ZNF536: variants seen among roughly 807,000 people sequenced by gnomAD.
ZNF536 encodes the protein zinc finger protein 536.
Under a neutral mutation model 84.5 loss-of-function variants are expected in ZNF536, and 13 were observed. That is an observed-to-expected ratio of 0.15 (90% CI 0.10 to 0.24). The LOEUF (loss-of-function observed/expected upper bound fraction) is 0.24, where lower values mean the gene tolerates loss of function less well. ZNF536 is among the 10% of genes least tolerant of loss of function. The pLI is 1.00. For synonymous variants in ZNF536, 811 were observed against 742.5 expected, an observed-to-expected ratio of 1.09 and a Z score of -1.50; for missense variants, 1,536 against 1,747.5, an observed-to-expected ratio of 0.88 and a Z score of 2.16.
At position 30,655,507 on chromosome 19, in the gene ZNF536, C is replaced by T. The variant is rs1239591969; in HGVS notation, c.170-55250C>T. On this transcript the variant is annotated intron_variant, in intron 1 of 1. Coordinates refer to the ZNF536 transcript ENST00000592773. Reference sequence around the variant, plus strand: ...GAAGAAACTGAGGGTGAACTCAGCCCTCACTTCAAAGGAGTTTGCCGTCAA... The same window carrying T: ...GAAGAAACTGAGGGTGAACTCAGCCTTCACTTCAAAGGAGTTTGCCGTCAA... 2.6e-5 allele frequency among the ~76,000 whole-genome samples: 4 copies of T among 152,078 alleles called. No homozygotes were observed. In the East Asian group the frequency reaches 7.7e-4, roughly 29 times the overall value.
rs557638186 is a variant in ZNF536 at position 30,488,849 on chromosome 19, G to A, written c.2170+43117G>A. ...AGCAAGATGTCTGCTTTTGGTTGAA[G>A]ATTGGCCTATGGCTTTTATAGTATT... On this transcript the variant is annotated intron_variant, in intron 2 of 4. Coordinates refer to ENST00000355537, the MANE Select transcript of ZNF536 (RefSeq NM_014717.3). Among the ~76,000 whole-genome samples the A allele has an allele frequency of 4.6e-5, 7 of 152,336 alleles. 1 individual carries two copies. Among genetic ancestry groups the A allele is most frequent in the African/African-American group, 1.7e-4 (7 of 41,568 alleles).
At position 30,372,560 on chromosome 19, in the gene ZNF536, A is replaced by G. The variant is rs1166482199; in HGVS notation, c.-3+4A>G. 6.6e-6 allele frequency: 1 copy of G among 152,114 alleles called. No homozygotes were observed. The highest frequency in any genetic ancestry group is 6.6e-5 in the Admixed American group (1 of 15,266). 9.4% of individuals were successfully genotyped at this position (152,114 alleles called of 1,614,324 possible). ...TTCCATTTTCCCTGTTCTCAAGGTAATTCAGCTTTCTTTGTGTGTGAGTGT... is the reference window on the plus strand; with the variant it reads ...TTCCATTTTCCCTGTTCTCAAGGTAGTTCAGCTTTCTTTGTGTGTGAGTGT... On this transcript the variant is annotated splice_donor_region_variant and intron_variant, in intron 1 of 4. Transcript: ENST00000355537.
chr19:30,383,299 G>GAAAC (rs1469862130), intron 1 of ZNF536, among the ~76,000 whole-genome samples: 2 of 120,570 alleles, frequency 1.7e-5, no homozygotes, highest in Non-Finnish European at 4.0e-5. Flanking sequence ...CAAAAACAAA[G>GAAAC]AAACAAACAA....
At chr19:30,502,718 A>G (rs1428979123) in intron 2 of ZNF536, among the ~76,000 whole-genome samples, 1 of 152,196 alleles carries the variant, frequency 6.6e-6, no homozygotes, top group East Asian at 1.9e-4. Flanking sequence ...AAAAGAGCAT[A>G]AGCTGTCCGC....
chr19:30,475,792 C>A (rs2053822040), intron 2 of ZNF536, among the ~76,000 whole-genome samples: 1 of 152,202 alleles, frequency 6.6e-6, no homozygotes, highest in Admixed American at 6.5e-5. Flanking sequence ...GGACCAGCCG[C>A]TCCTGGAATG....
At chr19:30,343,383 G>A (rs1454429841) in intron 2 of ZNF536, among the ~76,000 whole-genome samples, 1 of 152,130 alleles carries the variant, frequency 6.6e-6, no homozygotes, top group Non-Finnish European at 1.5e-5. Context: ...CCTGGGGTGG[G>A]GGAGCATCTC....
chr19:30,693,288 G>A (rs916470661), intron 1 of ZNF536, among the ~76,000 whole-genome samples: 1 of 152,164 alleles, frequency 6.6e-6, no homozygotes, highest in Admixed American at 6.5e-5. Flanking sequence ...CCAAGATGGC[G>A]TGTAGACTGC....
chr19:30,483,470 GACCCCACCCCACCCC>G (rs918939069), intron 2 of ZNF536, among the ~76,000 whole-genome samples: 3 of 150,950 alleles, frequency 2.0e-5, no homozygotes, highest in Non-Finnish European at 3.0e-5. Flanking sequence ...GGGGTGAACA[GACCCCACCCCACCCC>G]ACCCCACCCC....
chr19:30,292,565 C>G (rs2045877635), intron 2 of ZNF536, among the ~76,000 whole-genome samples: 1 of 152,170 alleles, frequency 6.6e-6, no homozygotes, highest in Admixed American at 6.5e-5. Context: ...AAGCGATCCT[C>G]TCACCTTGGC....
At chr19:30,265,579 C>T (rs915370564) in intron 1 of ZNF536, among the ~76,000 whole-genome samples, 2 of 152,194 alleles carry the variant, frequency 1.3e-5, no homozygotes, top group Admixed American at 6.5e-5. Context: ...ACTGGGGAGA[C>T]GCACTCAGAA....
chr19:30,409,859 T>A (rs1247830440), intron 1 of ZNF536, among the ~76,000 whole-genome samples: 2 of 152,218 alleles, frequency 1.3e-5, no homozygotes. Context: ...TATGTAGATA[T>A]CTCTCTATAT....
At chr19:30,505,466 C>T (rs2055136607) in intron 2 of ZNF536, among the ~76,000 whole-genome samples, 1 of 147,940 alleles carries the variant, frequency 6.8e-6, no homozygotes, top group African/African-American at 2.5e-5. Context: ...GATGTATCAT[C>T]AATAATCTAT....
chr19:30,374,473 G>C (rs2048729457), intron 1 of ZNF536, among the ~76,000 whole-genome samples: 1 of 151,410 alleles, frequency 6.6e-6, no homozygotes, highest in Admixed American at 6.6e-5. Context: ...TAAGAGAACA[G>C]AGATCCATAA....
chr19:30,645,193 T>C (rs2049418853), intron 1 of ZNF536, among the ~76,000 whole-genome samples: 1 of 152,258 alleles, frequency 6.6e-6, no homozygotes, highest in South Asian at 2.1e-4. Flanking sequence ...TTCATATCCT[T>C]TGCCCACTTT....
intron 1 of ZNF536, among the ~76,000 whole-genome samples, chr19:30,264,859 C>A (rs1457938529): frequency 6.6e-6 from 1 of 151,742 alleles, no homozygotes; most frequent in Non-Finnish European, 1.5e-5. Context: ...CTCCAAGCTC[C>A]ACACCAGGCT....
At chr19:30,301,868 C>G (rs781107642) in intron 2 of ZNF536, among the ~76,000 whole-genome samples, 4 of 151,246 alleles carry the variant, frequency 2.6e-5, no homozygotes, top group African/African-American at 4.9e-5. Flanking sequence ...GGGGAATTAC[C>G]AGGCTGGGTG....
At chr19:30,385,287 G>T (rs925171075) in intron 1 of ZNF536, among the ~76,000 whole-genome samples, 1 of 152,162 alleles carries the variant, frequency 6.6e-6, no homozygotes, top group African/African-American at 2.4e-5. Flanking sequence ...ACTGAGGGAG[G>T]TGATGACCCG....
At chr19:30,621,963 A>G (rs2048499577) in intron 1 of ZNF536, among the ~76,000 whole-genome samples, 1 of 152,246 alleles carries the variant, frequency 6.6e-6, no homozygotes, top group African/African-American at 2.4e-5. Context: ...TTCAATTCAT[A>G]TCCGCACTCC....
At position 30,493,559 on chromosome 19, in the gene ZNF536, A is replaced by G. The variant is rs575632195; in HGVS notation, c.2171-41288A>G. Among the ~76,000 whole-genome samples, 4 of 152,358 alleles carry G rather than the reference A, an allele frequency of 2.6e-5. No homozygotes were observed. In the East Asian group the frequency reaches 7.7e-4, roughly 29 times the overall value. ...AAGAAAAACAAATCCATAATTTGGA[A>G]CCGTTTAGGGCATCCAGGTAGTAGA... On this transcript the variant is annotated intron_variant, in intron 2 of 4. Transcript: ENST00000355537.
Sources: gnomAD v4.1 joint callset for allele counts (sites outside exome capture counted in the v4.1 genomes callset) on GRCh38, gnomAD v4.1.1 for gene constraint, MANE v1.5 for transcripts, NCBI Gene and HGNC (gene_info 2026-07-23, HGNC 2026-07-21) for gene names.